Variants in C1QL3 observed in about 807,000 individuals in gnomAD.
C1QL3 encodes complement C1q like 3.
In C1QL3, 4 loss-of-function variants were observed where a neutral mutation model predicts 16.6. The observed-to-expected ratio is 0.24, with a 90% CI of 0.12 to 0.55. C1QL3 has a LOEUF of 0.55. Among genes scored for constraint, C1QL3 ranks in the 20% least tolerant of loss-of-function variants. The pLI is 0.94. For synonymous variants in C1QL3, 189 were observed against 160.2 expected (o/e 1.18, Z -1.36); for missense variants, 269 against 365.6 (o/e 0.74, Z 2.16).
Position 16,520,459 on chromosome 10 carries a change from G to T in C1QL3, c.588+19C>A. The T allele has an allele frequency of 2.5e-6, 1 of 401,424 alleles. No homozygotes were observed. The highest frequency in any genetic ancestry group is 4.2e-6 in the Non-Finnish European group (1 of 239,040). 24.9% of individuals were successfully genotyped at this position (401,424 alleles called of 1,614,324 possible). On this transcript the variant is annotated intron_variant, in intron 1 of 1. Coordinates refer to ENST00000298943, the MANE Select transcript of C1QL3 (RefSeq NM_001010908.2). The surrounding 1 kb of genome is among the most constrained non-coding windows in gnomAD (Gnocchi z 8.3). ...CCCGCGCTCCCTCCCCGCCCTCCCCGCCGCCCGCCCGCGCTCACCTGGTTG... is the reference window on the plus strand; with the variant it reads ...CCCGCGCTCCCTCCCCGCCCTCCCCTCCGCCCGCCCGCGCTCACCTGGTTG...
At position 16,521,724 on chromosome 10, in the gene C1QL3, A is replaced by AGCG. The variant is rs895675340; in HGVS notation, c.-662_-660dup. ...GCCCGGGCGTCCCCCGGGTGCGCCC[A>AGCG]GCGGCGGCGGCGGCGGGCACGGTCG... is the stretch of plus-strand genomic sequence containing the variant. On this transcript the variant is annotated 5_prime_UTR_variant, in exon 1 of 2. Transcript: ENST00000298943. 7 of 152,752 alleles carry AGCG rather than the reference A, an allele frequency of 4.6e-5. No homozygotes were observed. Among genetic ancestry groups the AGCG allele is most frequent in the South Asian group, 2.0e-4 (1 of 5,112 alleles). 9.5% of individuals were successfully genotyped at this position (152,752 alleles called of 1,614,324 possible).
rs1318202617 is a variant in C1QL3 at position 16,521,070 on chromosome 10, A to G, written c.-5T>C. On this transcript the variant is annotated 5_prime_UTR_variant, in exon 1 of 2. Transcript: ENST00000298943. The stretch of plus-strand genomic sequence containing the variant: ...GATCACCAGCAGCAGCACCATCACC[A>G]CCCCCAGCGCCCCGGCGGCGATCAG... The G allele has an allele frequency of 1.3e-6, 2 of 1,590,980 alleles. No individual in the cohort carries two copies. The highest frequency in any genetic ancestry group is 8.5e-7 in the Non-Finnish European group (1 of 1,175,072).
At position 16,514,536 on chromosome 10, in the gene C1QL3, C is replaced by T. The variant is rs746816359; in HGVS notation, c.760G>A (p.Ala254Thr). The T allele has an allele frequency of 1.2e-6, 2 of 1,613,008 alleles. No individual in the cohort carries two copies. The highest frequency in any genetic ancestry group is 1.7e-6 in the Non-Finnish European group (2 of 1,179,234). The change falls in exon 2 of 2, where the codon GCT (alanine) becomes ACT (threonine). Residue 254 changes from alanine to threonine, a missense_variant. Ala to Thr is a moderately conservative substitution (Grantham distance 58). This residue lies in a region of C1QL3 where 23 missense variants were observed against 68.4 expected (regional missense o/e 0.34). Coordinates refer to ENST00000298943, the MANE Select transcript of C1QL3 (RefSeq NM_001010908.2). ...YSTFSGFIIY[A>T]D is the part of the protein sequence containing the mutation. ...GCTTAGTTTCTGCATTATCAGTCAG[C>T]ATAAATAATAAATCCAGAAAACGTG...
intron 1 of C1QL3, among the ~76,000 whole-genome samples, chr10:16,515,682 A>C (rs1471249784): frequency 6.6e-6 from 1 of 152,168 alleles, no homozygotes; most frequent in African/African-American, 2.4e-5. Context: ...TCAGATCCTT[A>C]GCTCAAATTA....
chr10:16,520,452 C>A lies in C1QL3; in HGVS notation c.588+26G>T. ...GCACCTTCCCGCGCTCCCTCCCCGC[C>A]CTCCCCGCCGCCCGCCCGCGCTCAC... On this transcript the variant is annotated intron_variant, in intron 1 of 1. Coordinates refer to ENST00000298943, the MANE Select transcript of C1QL3 (RefSeq NM_001010908.2). This position sits in a 1 kb window ranked among gnomAD's most constrained non-coding sequence, Gnocchi z 8.3. 7.7e-7 allele frequency: 1 copy of A among 1,305,566 alleles called. No individual in the cohort carries two copies. The highest frequency in any genetic ancestry group is 2.7e-5 in the East Asian group (1 of 36,888). The allele number at this position is 1,305,566 out of a possible 1,614,324, so 80.9% of individuals were successfully genotyped here.
chr10:16,520,832 G>T lies in C1QL3; in HGVS notation c.234C>A (p.Pro78=). ...RPGKAGPRGP[P]GEPGPPGPMG... ...TGGGGCCGGGTGGCCCGGGCTCTCC[G>T]GGGGGCCCGCGCGGACCCGCCTTCC... Residue 78 remains proline, a synonymous_variant, in exon 1 of 2, where the codon CCC becomes CCA. Transcript: ENST00000298943. The surrounding 1 kb of genome is among the most constrained non-coding windows in gnomAD (Gnocchi z 8.3). 7.2e-7 allele frequency: 1 copy of T among 1,383,770 alleles called. No homozygotes were observed. The highest frequency in any genetic ancestry group is 9.3e-7 in the Non-Finnish European group (1 of 1,071,690). The allele number at this position is 1,383,770 out of a possible 1,614,324, so 85.7% of individuals were successfully genotyped here.
Position 16,520,442 on chromosome 10 carries a change from C to CCCACCCCCCCCA in C1QL3, c.588+35_588+36insTGGGGGGGGTGG. 3.6e-6 allele frequency: 4 copies of CCCACCCCCCCCA among 1,117,658 alleles called. No individual in the cohort carries two copies. The highest frequency in any genetic ancestry group is 1.5e-5 in the South Asian group (1 of 68,718). 69.2% of individuals were successfully genotyped at this position (1,117,658 alleles called of 1,614,324 possible). A position where few individuals can be genotyped will look rare whatever the true frequency, so the allele number is the denominator to read the frequency against. ...CCTCTCGCCCGCACCTTCCCGCGCT[C>CCCACCCCCCCCA]CCTCCCCGCCCTCCCCGCCGCCCGC... On this transcript the variant is annotated intron_variant, in intron 1 of 1. Transcript: ENST00000298943. This position sits in a 1 kb window ranked among gnomAD's most constrained non-coding sequence, Gnocchi z 8.3.
intron 1 of C1QL3, among the ~76,000 whole-genome samples, chr10:16,518,913 C>T (rs1426186361): frequency 6.6e-6 from 1 of 151,862 alleles, no homozygotes; most frequent in Non-Finnish European, 1.5e-5. Flanking sequence ...GAGTCCTGCC[C>T]GTTTTAGCCA....
At chr10:16,517,616 C>T (rs1349467056) in intron 1 of C1QL3, among the ~76,000 whole-genome samples, 1 of 152,150 alleles carries the variant, frequency 6.6e-6, no homozygotes, top group Non-Finnish European at 1.5e-5. Context: ...TATGCACTGT[C>T]ATGGGCTTTC....
chr10:16,515,430 C>T (rs1397692795), intron 1 of C1QL3, among the ~76,000 whole-genome samples: 1 of 152,074 alleles, frequency 6.6e-6, no homozygotes, highest in Non-Finnish European at 1.5e-5. Flanking sequence ...TTAACCTCAA[C>T]ATATCTAAAA....
rs985913229 is a variant in C1QL3, at chr10:16,520,103, C to T, written c.588+375G>A. Among the ~76,000 whole-genome samples, 2 of 152,176 alleles carry T rather than the reference C, an allele frequency of 1.3e-5. No homozygotes were observed. The highest frequency in any genetic ancestry group is 2.9e-5 in the Non-Finnish European group (2 of 68,024). ...AGGCCTCTCCACTCCCCAGAAAGCCCGTAAGCTACCCTCTGTTGCGGAGGA... is the reference window on the plus strand; with the variant it reads ...AGGCCTCTCCACTCCCCAGAAAGCCTGTAAGCTACCCTCTGTTGCGGAGGA... On this transcript the variant is annotated intron_variant, in intron 1 of 1. Coordinates refer to ENST00000298943, the MANE Select transcript of C1QL3 (RefSeq NM_001010908.2). The surrounding 1 kb of genome is among the most constrained non-coding windows in gnomAD (Gnocchi z 8.3).
chr10:16,521,300 G>T lies in C1QL3; in HGVS notation c.-235C>A. On this transcript the variant is annotated 5_prime_UTR_variant, in exon 1 of 2. Transcript: ENST00000298943. The stretch of plus-strand genomic sequence containing the variant: ...GGCTGCGGCTGGGGAGGGAGCGCGG[G>T]CGCCCAGTGACTTGAGCCGAAGTCC... The T allele has an allele frequency of 2.1e-6, 1 of 480,310 alleles. No individual in the cohort carries two copies. The highest frequency in any genetic ancestry group is 3.7e-6 in the Non-Finnish European group (1 of 273,796). 29.8% of individuals were successfully genotyped at this position (480,310 alleles called of 1,614,324 possible). A position where few individuals can be genotyped will look rare whatever the true frequency, so the allele number is the denominator to read the frequency against.
Position 16,514,432 on chromosome 10 carries a change from C to A in C1QL3, c.*96G>T. 1.0e-6 allele frequency: 1 copy of A among 981,652 alleles called. No individual in the cohort carries two copies. Among genetic ancestry groups the A allele is most frequent in the East Asian group, 2.4e-5 (1 of 41,744 alleles). The allele number at this position is 981,652 out of a possible 1,614,324, so 60.8% of individuals were successfully genotyped here. A position where few individuals can be genotyped will look rare whatever the true frequency, so the allele number is the denominator to read the frequency against. On this transcript the variant is annotated 3_prime_UTR_variant, in exon 2 of 2. Transcript: ENST00000298943. ...CCCCACATATACACAACTGAGGTGCCCTGCCATTGGCATCCCCTGGGATCC... is the reference window on the plus strand; with the variant it reads ...CCCCACATATACACAACTGAGGTGCACTGCCATTGGCATCCCCTGGGATCC...
intron 1 of C1QL3, among the ~76,000 whole-genome samples, chr10:16,519,944 G>C (rs935868762): frequency 6.6e-6 from 1 of 152,146 alleles, no homozygotes; most frequent in South Asian, 2.1e-4. Context: ...CGGCGACGGC[G>C]AGCCCCACGG....
Position 16,520,867 on chromosome 10 carries a change from C to T in C1QL3, c.199G>A (p.Gly67Ser), listed in dbSNP as rs1406262862. 1 of 1,464,284 alleles carries T rather than the reference C, an allele frequency of 6.8e-7. No homozygotes were observed. The highest frequency in any genetic ancestry group is 9.0e-7 in the Non-Finnish European group (1 of 1,111,790). The allele number at this position is 1,464,284 out of a possible 1,614,324, so 90.7% of individuals were successfully genotyped here. A position where few individuals can be genotyped will look rare whatever the true frequency, so the allele number is the denominator to read the frequency against. The change falls in exon 1 of 2, where the codon GGC becomes AGC. Residue 67 changes from glycine (G) to serine (S), a missense_variant. By Grantham distance (56) the Gly-to-Ser change is moderately conservative. Around this residue, in one of 2 missense-constraint regions of C1QL3, gnomAD observed 246 missense variants for 297.2 expected, o/e 0.83. Coordinates refer to ENST00000298943, the MANE Select transcript of C1QL3 (RefSeq NM_001010908.2). The surrounding 1 kb of genome is among the most constrained non-coding windows in gnomAD (Gnocchi z 8.3). ...TFIQGPKGEA[G>S]RPGKAGPRGP... ...CGCGGACCCGCCTTCCCGGGCCTGC[C>T]GGCCTCGCCTTTGGGGCCCTGGATG... is the stretch of plus-strand genomic sequence containing the variant.
chr10:16,516,028 C>T (rs564590900), intron 1 of C1QL3, among the ~76,000 whole-genome samples: 1 of 151,996 alleles, frequency 6.6e-6, no homozygotes, highest in Admixed American at 6.6e-5. Flanking sequence ...TATAGTCTCA[C>T]GTTAATGCTG....
chr10:16,516,710 C>T (rs1836956957), intron 1 of C1QL3, among the ~76,000 whole-genome samples: 1 of 152,126 alleles, frequency 6.6e-6, no homozygotes, highest in South Asian at 2.1e-4. Flanking sequence ...CATTTTTATT[C>T]TCCAGGGTGT....
At position 16,520,324 on chromosome 10, in the gene C1QL3, G is replaced by A. The variant is rs537363510; in HGVS notation, c.588+154C>T. Among the ~76,000 whole-genome samples, 1 of 152,038 alleles carries A rather than the reference G, an allele frequency of 6.6e-6. No homozygotes were observed. Among genetic ancestry groups the A allele is most frequent in the Non-Finnish European group, 1.5e-5 (1 of 67,976 alleles). ...CGCGCACGACCCCCGCCTCTCCAGG[G>A]TGGGACGGCGTCCCCCCTTGCCGTC... On this transcript the variant is annotated intron_variant, in intron 1 of 1. Coordinates refer to ENST00000298943, the MANE Select transcript of C1QL3 (RefSeq NM_001010908.2). This position sits in a 1 kb window ranked among gnomAD's most constrained non-coding sequence, Gnocchi z 8.3.
intron 1 of C1QL3, among the ~76,000 whole-genome samples, chr10:16,517,532 A>G (rs137999677): frequency 1.9e-3 from 283 of 152,308 alleles, no homozygotes; most frequent in African/African-American, 6.6e-3. Flanking sequence ...GTTTTCTGCT[A>G]AAAGGATTAT....
Sources: allele counts gnomAD v4.1 joint callset (sites outside exome capture counted in the v4.1 genomes callset), GRCh38; gene constraint gnomAD v4.1.1; regional missense constraint gnomAD v4.1.1; non-coding constraint Gnocchi (gnomAD v3.1); transcripts MANE v1.5; gene names NCBI Gene and HGNC (gene_info 2026-07-23, HGNC 2026-07-21).